Variants in MED13L observed in about 807,000 individuals in gnomAD.
MED13L encodes mediator complex subunit 13L, also known as mediator of RNA polymerase II transcription subunit 13-like.
A neutral mutation model predicts 220.9 loss-of-function variants in MED13L; 7 were observed. That is an observed-to-expected ratio of 0.03 (90% CI 0.02 to 0.06). MED13L has a LOEUF of 0.06. MED13L is among the 10% of genes least tolerant of loss of function. MED13L has a pLI of 1.00. For synonymous variants in MED13L, 1,011 were observed against 1,015.2 expected, an observed-to-expected ratio of 1.00 and a Z score of 0.08; for missense variants, 1,965 against 2,760.5, an observed-to-expected ratio of 0.71 and a Z score of 6.46.
chr12:116,088,267 G>A (rs1378865172), intron 4 of MED13L, among the ~76,000 whole-genome samples: 3 of 152,158 alleles, frequency 2.0e-5, no homozygotes, highest in African/African-American at 7.2e-5. Flanking sequence ...AGAGGACTGA[G>A]TTAAAGAGAC....
At chr12:116,154,888 A>G (rs1162070592) in intron 2 of MED13L, among the ~76,000 whole-genome samples, 1 of 152,110 alleles carries the variant, frequency 6.6e-6, no homozygotes, top group African/African-American at 2.4e-5. Context: ...TGCAGCTGGC[A>G]CAATCTCGGC....
At chr12:116,031,736 AAAAGAAAAGAAAAGAAAAGAAAAG>A (rs1880812727) in intron 4 of MED13L, among the ~76,000 whole-genome samples, 3 of 69,572 alleles carry the variant, frequency 4.3e-5, no homozygotes, top group African/African-American at 9.1e-5. Flanking sequence ...AAAAGAAAAG[AAAAGAAAAGAAAAGAAAAGAAAAG>A]AAGGAAGGAA....
intron 2 of MED13L, among the ~76,000 whole-genome samples, chr12:116,158,847 A>C (rs1033375223): frequency 1.3e-5 from 2 of 152,190 alleles, no homozygotes; most frequent in Non-Finnish European, 2.9e-5. Context: ...CCCATTCTAC[A>C]GATGACAGTA....
chr12:116,236,900 C>A, intron 2 of MED13L: 1 of 982,770 alleles, frequency 1.0e-6, no homozygotes, highest in Non-Finnish European at 1.2e-6. Context: ...CCTGGAATCA[C>A]CAAATTACAT....
intron 1 of MED13L, among the ~76,000 whole-genome samples, chr12:116,240,353 T>TC (rs1328980160): frequency 6.6e-6 from 1 of 152,124 alleles, no homozygotes; most frequent in Non-Finnish European, 1.5e-5. Context: ...CACCTCGGCC[T>TC]CCCAAAGTGC....
intron 12 of MED13L, 22 bp downstream of exon 12, chr12:116,006,284 G>A: frequency 6.3e-7 from 1 of 1,592,728 alleles, no homozygotes; most frequent in Middle Eastern, 1.7e-4. Flanking sequence ...ATCCAAGTGA[G>A]GCAAATAATC....
intron 2 of MED13L, among the ~76,000 whole-genome samples, chr12:116,190,721 CAT>C (rs1399479658): frequency 6.6e-5 from 10 of 152,198 alleles, no homozygotes; most frequent in Middle Eastern, 6.8e-3. Context: ...TTTTTAAAAA[CAT>C]GTGAAAACGA....
At chr12:116,115,578 T>G (rs1207968289) in intron 2 of MED13L, among the ~76,000 whole-genome samples, 1 of 151,602 alleles carries the variant, frequency 6.6e-6, no homozygotes, top group East Asian at 1.9e-4. Flanking sequence ...ATGCCACAGA[T>G]GGGGAATAAA....
intron 10 of MED13L, 143 bp from the exon 11 acceptor site, chr12:116,007,779 T>C (rs1879148382): frequency 1.4e-6 from 1 of 706,368 alleles, no homozygotes; most frequent in South Asian, 1.9e-5. Flanking sequence ...AAATAAAAAT[T>C]AGCATACTTT....
At chr12:116,071,709 T>G (rs1870384252) in intron 4 of MED13L, among the ~76,000 whole-genome samples, 2 of 152,234 alleles carry the variant, frequency 1.3e-5, no homozygotes, top group Admixed American at 6.5e-5. Context: ...TTAAGAGGAA[T>G]TTTATAAAAC....
At chr12:116,129,372 G>A (rs937442643) in intron 2 of MED13L, among the ~76,000 whole-genome samples, 2 of 152,152 alleles carry the variant, frequency 1.3e-5, no homozygotes, top group African/African-American at 2.4e-5. Flanking sequence ...TTCACTATTC[G>A]TATTCATTTT....
At chr12:116,267,800 A>C (rs1024427485) in intron 1 of MED13L, among the ~76,000 whole-genome samples, 1 of 152,240 alleles carries the variant, frequency 6.6e-6, no homozygotes, top group African/African-American at 2.4e-5. Flanking sequence ...AAAAATCTAT[A>C]GGTTGCCTAC....
At chr12:116,184,832 A>G (rs887043648) in intron 2 of MED13L, among the ~76,000 whole-genome samples, 5 of 152,210 alleles carry the variant, frequency 3.3e-5, no homozygotes, top group Non-Finnish European at 7.4e-5. Flanking sequence ...TAAAGTTTCA[A>G]TATAGGTTAT....
chr12:115,961,062 G>T lies in MED13L; in HGVS notation c.*204C>A. 1 of 699,872 alleles carries T rather than the reference G, an allele frequency of 1.4e-6. No individual in the cohort carries two copies. The highest frequency in any genetic ancestry group is 1.7e-5 in the South Asian group (1 of 57,976). The allele number at this position is 699,872 out of a possible 1,614,324, so 43.4% of individuals were successfully genotyped here. A position where few individuals can be genotyped will look rare whatever the true frequency, so the allele number is the denominator to read the frequency against. On this transcript the variant is annotated 3_prime_UTR_variant, in exon 31 of 31. Transcript: ENST00000281928. ...AAGTCACCACTTATGGAAGTTTCCA[G>T]GTCCATGAGAGAAGTGTCAAGGAGT... is the stretch of plus-strand genomic sequence containing the variant.
chr12:116,254,031 G>A (rs955995574), intron 1 of MED13L, among the ~76,000 whole-genome samples: 4 of 152,060 alleles, frequency 2.6e-5, no homozygotes, highest in Admixed American at 6.5e-5. Context: ...AAATTGCTGG[G>A]ATTACAGGTG....
intron 4 of MED13L, among the ~76,000 whole-genome samples, chr12:116,060,304 G>A (rs1015625842): frequency 8.6e-5 from 13 of 152,040 alleles, no homozygotes; most frequent in African/African-American, 3.1e-4. Flanking sequence ...CAGGCCGGGC[G>A]TGGTAACTCA....
chr12:115,977,353 A>G (rs944424509), intron 23 of MED13L, among the ~76,000 whole-genome samples: 1 of 152,230 alleles, frequency 6.6e-6, no homozygotes, highest in African/African-American at 2.4e-5. Context: ...ATAGGGATTC[A>G]AAACTCAGGC....
At chr12:116,174,517 A>T (rs1202224728) in intron 2 of MED13L, 1 of 152,076 alleles carries the variant, frequency 6.6e-6, no homozygotes, top group East Asian at 1.9e-4. Context: ...AAAAACAAAA[A>T]AGGTTTGGCT....
chr12:116,178,221 T>TA (rs1565914663), intron 2 of MED13L, among the ~76,000 whole-genome samples: 1 of 152,150 alleles, frequency 6.6e-6, no homozygotes, highest in Non-Finnish European at 1.5e-5. Context: ...GTTCCATAGA[T>TA]ATGTATTATG....
Sources: gnomAD v4.1 joint callset for allele counts (sites outside exome capture counted in the v4.1 genomes callset) on GRCh38, gnomAD v4.1.1 for gene constraint, MANE v1.5 for transcripts, NCBI Gene and HGNC (gene_info 2026-07-23, HGNC 2026-07-21) for gene names.